ROBO2: variants seen among roughly 807,000 people sequenced by gnomAD.
The protein encoded by ROBO2 is roundabout guidance receptor 2.
Under a neutral mutation model 160.8 loss-of-function variants are expected in ROBO2, and 53 were observed. That is an observed-to-expected ratio of 0.33 (90% CI 0.26 to 0.41). ROBO2 has a LOEUF of 0.41. Among genes scored for constraint, ROBO2 ranks in the 10% least tolerant of loss-of-function variants. ROBO2 has a pLI of 1.00. For missense variants in ROBO2, 1,577 were observed against 1,722.4 expected (o/e 0.92, Z 1.49); for synonymous variants, 664 against 611.7 (o/e 1.09, Z -1.26).
intron 2 of ROBO2, among the ~76,000 whole-genome samples, chr3:77,166,719 G>T (rs762608559): frequency 6.7e-6 from 1 of 149,458 alleles, no homozygotes; most frequent in Non-Finnish European, 1.5e-5. Flanking sequence ...CACCACTCCC[G>T]GCTAATTTTT....
In ROBO2 at chr3:77,585,355, C is replaced by G. The variant is rs114154981; in HGVS notation, c.2501-3396C>G. Among the ~76,000 whole-genome samples the G allele has an allele frequency of 9.2e-3, 1,397 of 151,588 alleles. 20 individuals are homozygous for G. The highest frequency in any genetic ancestry group is 0.032 in the African/African-American group (1,324 of 41,444). On this transcript the variant is annotated intron_variant, in intron 16 of 25. Coordinates refer to ENST00000461745, the Ensembl canonical transcript of ROBO2. Reference sequence around the variant, plus strand: ...TATGCACTGAACAATTGAACTGTAACTTAAAATAATAAAGTTAATGATTAT... The same window carrying G: ...TATGCACTGAACAATTGAACTGTAAGTTAAAATAATAAAGTTAATGATTAT...
intron 2 of ROBO2, among the ~76,000 whole-genome samples, chr3:76,419,896 A>G (rs1348507806): frequency 1.3e-5 from 2 of 152,186 alleles, no homozygotes; most frequent in Non-Finnish European, 2.9e-5. Context: ...TAATAGTGAT[A>G]TATCAGTAGG....
chr3:76,049,403 ATTTTTT>A (rs1167852972), intron 2 of ROBO2, among the ~76,000 whole-genome samples: 9,066 of 54,062 alleles, frequency 0.17, 440 homozygotes, highest in Non-Finnish European at 0.19. Context: ...ATATATATAT[ATTTTTT>A]TTTTTTTTTT....
At chr3:77,015,964 T>C (rs1015743729) in intron 2 of ROBO2, among the ~76,000 whole-genome samples, 2 of 152,026 alleles carry the variant, frequency 1.3e-5, no homozygotes, top group African/African-American at 2.4e-5. Context: ...TCTAATATGT[T>C]ATTTTTTTTA....
intron 2 of ROBO2, among the ~76,000 whole-genome samples, chr3:76,932,320 T>C (rs922178887): frequency 1.3e-5 from 2 of 152,110 alleles, no homozygotes; most frequent in Non-Finnish European, 2.9e-5. Context: ...AAAAAGAACA[T>C]TTATTCCATA....
chr3:76,273,146 T>C (rs1429656926), intron 2 of ROBO2, among the ~76,000 whole-genome samples: 45 of 127,682 alleles, frequency 3.5e-4, no homozygotes, highest in Admixed American at 1.8e-3. Flanking sequence ...TATATATATA[T>C]ACACATTTCT....
chr3:76,797,160 C>T (rs1175311611), intron 2 of ROBO2, among the ~76,000 whole-genome samples: 1 of 152,088 alleles, frequency 6.6e-6, no homozygotes, highest in Non-Finnish European at 1.5e-5. Flanking sequence ...TTCTCCTCAG[C>T]ACATGGATAA....
intron 2 of ROBO2, among the ~76,000 whole-genome samples, chr3:76,182,874 C>T (rs992142093): frequency 2.4e-4 from 36 of 152,112 alleles, no homozygotes; most frequent in Non-Finnish European, 4.4e-4. Context: ...CCAGCTTTAT[C>T]ACTGGAAACA....
intron 2 of ROBO2, among the ~76,000 whole-genome samples, chr3:76,093,754 A>G (rs1559547875): frequency 6.6e-6 from 1 of 152,022 alleles, no homozygotes; most frequent in African/African-American, 2.4e-5. Context: ...TGTTTATATC[A>G]GAGAAATAAG....
At chr3:77,465,649 G>A (rs1187107883) in intron 2 of ROBO2, among the ~76,000 whole-genome samples, 1 of 152,118 alleles carries the variant, frequency 6.6e-6, no homozygotes, top group Non-Finnish European at 1.5e-5. Context: ...AGATGTGAAG[G>A]TTTGATTAAA....
intron 2 of ROBO2, among the ~76,000 whole-genome samples, chr3:76,626,936 C>T (rs775717586): frequency 1.3e-5 from 2 of 152,194 alleles, no homozygotes; most frequent in Non-Finnish European, 2.9e-5. Flanking sequence ...GTGGTCCGCC[C>T]GCCTCGGCCT....
At chr3:76,319,261 T>A (rs548930878) in intron 2 of ROBO2, among the ~76,000 whole-genome samples, 1 of 152,226 alleles carries the variant, frequency 6.6e-6, no homozygotes, top group South Asian at 2.1e-4. Flanking sequence ...TTTATTGATG[T>A]CTTAAAAATG....
chr3:77,247,376 T>C (rs1580349865), intron 2 of ROBO2, among the ~76,000 whole-genome samples: 1 of 152,136 alleles, frequency 6.6e-6, no homozygotes, highest in East Asian at 1.9e-4. Flanking sequence ...ATACAGTCTT[T>C]CTTCTGTAAA....
chr3:77,302,922 A>G (rs1431779839), intron 2 of ROBO2, among the ~76,000 whole-genome samples: 3 of 152,158 alleles, frequency 2.0e-5, no homozygotes, highest in African/African-American at 4.8e-5. Context: ...TTTAGGTTGT[A>G]TATAAAATAC....
At chr3:76,142,953 A>AAT (rs1018019112) in intron 2 of ROBO2, among the ~76,000 whole-genome samples, 4 of 151,900 alleles carry the variant, frequency 2.6e-5, no homozygotes, top group African/African-American at 7.3e-5. Context: ...CAAAAATAAA[A>AAT]ATAAAAATAA....
intron 1 of ROBO2, among the ~76,000 whole-genome samples, chr3:77,073,493 A>T (rs574341373): frequency 6.6e-6 from 1 of 152,334 alleles, no homozygotes; most frequent in Non-Finnish European, 1.5e-5. Context: ...AACAAAGATC[A>T]ATGGGACAAT....
intron 2 of ROBO2, among the ~76,000 whole-genome samples, chr3:76,880,965 T>A (rs1369512288): frequency 6.6e-6 from 1 of 152,224 alleles, no homozygotes; most frequent in African/African-American, 2.4e-5. Flanking sequence ...TAATTGCTTC[T>A]GTGCTCAGAT....
At chr3:76,804,648 C>T (rs548807594) in intron 2 of ROBO2, among the ~76,000 whole-genome samples, 5 of 152,282 alleles carry the variant, frequency 3.3e-5, no homozygotes, top group African/African-American at 1.2e-4. Context: ...TTCGCAAACA[C>T]TAGTAGATTT....
At chr3:76,136,451 C>T (rs2071432511) in intron 2 of ROBO2, among the ~76,000 whole-genome samples, 1 of 152,070 alleles carries the variant, frequency 6.6e-6, no homozygotes. Flanking sequence ...AACGGATAAA[C>T]AACCTTCCTT....
Sources: allele counts gnomAD v4.1 joint callset (sites outside exome capture counted in the v4.1 genomes callset), GRCh38; gene constraint gnomAD v4.1.1; transcripts MANE v1.5; gene names NCBI Gene and HGNC (gene_info 2026-07-23, HGNC 2026-07-21).